DIAPH2: variants seen among roughly 807,000 people sequenced by gnomAD.
DIAPH2 encodes the protein protein diaphanous homolog 2.
A neutral mutation model predicts 92.7 loss-of-function variants in DIAPH2; 35 were observed. The observed-to-expected ratio is 0.38, with a 90% CI of 0.29 to 0.50. DIAPH2 has a LOEUF of 0.50. Ranked by LOEUF, DIAPH2 falls within the 20% of genes least tolerant of loss-of-function variation. The pLI is 0.94. For synonymous variants in DIAPH2, 301 were observed against 280.4 expected (o/e 1.07, Z -0.73); for missense variants, 701 against 819.5 (o/e 0.86, Z 1.77).
rs1158026046 is a variant in DIAPH2, at chrX:97,185,391, ATGTG to A, written c.2719+43599_2719+43602del. On this transcript the variant is annotated intron_variant, in intron 22 of 26. Coordinates refer to ENST00000324765, the MANE Select transcript of DIAPH2 (RefSeq NM_006729.5). Reference sequence around the variant, plus strand: ...TATGTATATATATATGTATATATATATGTGTATATATATATATATGTATATATAT... The same window carrying A: ...TATGTATATATATATGTATATATATATATATATATATATATGTATATATAT... 3.4e-3 allele frequency among the ~76,000 whole-genome samples: 93 copies of A among 27,365 alleles called. 4 individuals are homozygous for A. Among genetic ancestry groups the A allele is most frequent in the Non-Finnish European group, 3.0e-3 (57 of 19,190 alleles). 23.8% of individuals were successfully genotyped at this position (27,365 alleles called of 115,157 possible).
chrX:96,858,754 C>T (rs2065055369), intron 4 of DIAPH2, among the ~76,000 whole-genome samples: 1 of 111,714 alleles, frequency 9.0e-6, no homozygotes, highest in African/African-American at 3.3e-5. Flanking sequence ...TTTGAGTTCC[C>T]TTGTCATAAT....
intron 26 of DIAPH2, among the ~76,000 whole-genome samples, chrX:97,481,132 A>G (rs902671689): frequency 9.0e-6 from 1 of 111,445 alleles, no homozygotes; most frequent in South Asian, 3.7e-4. Flanking sequence ...TATACTCTCT[A>G]TGTAGTTCTG....
intron 20 of DIAPH2, among the ~76,000 whole-genome samples, chrX:97,100,604 T>C (rs922799488): frequency 8.9e-6 from 1 of 112,077 alleles, no homozygotes; most frequent in African/African-American, 3.2e-5. Flanking sequence ...GTTTGCTGTA[T>C]GAATAAATAG....
chrX:97,175,008 T>C (rs1222969205), intron 22 of DIAPH2, among the ~76,000 whole-genome samples: 1 of 111,548 alleles, frequency 9.0e-6, no homozygotes, highest in Non-Finnish European at 1.9e-5. Flanking sequence ...GAGGAATTTG[T>C]TTTGAATACT....
At chrX:96,962,335 A>G (rs1425424304) in intron 16 of DIAPH2, among the ~76,000 whole-genome samples, 2 of 47,432 alleles carry the variant, frequency 4.2e-5, no homozygotes. Flanking sequence ...ACATATATAT[A>G]TACATATATA....
intron 22 of DIAPH2, among the ~76,000 whole-genome samples, chrX:97,211,073 A>C (rs1441607825): frequency 8.9e-6 from 1 of 111,980 alleles, no homozygotes; most frequent in Non-Finnish European, 1.9e-5. Context: ...CACATAAAGT[A>C]GATCAGCATA....
At chrX:97,176,475 T>C (rs902363369) in intron 22 of DIAPH2, among the ~76,000 whole-genome samples, 2 of 110,383 alleles carry the variant, frequency 1.8e-5, no homozygotes, top group Admixed American at 9.8e-5. Flanking sequence ...CAGTTGTCCC[T>C]CAGTATCCAT....
chrX:97,294,083 C>T (rs1204992137), intron 23 of DIAPH2, among the ~76,000 whole-genome samples: 2 of 111,836 alleles, frequency 1.8e-5, no homozygotes, highest in East Asian at 5.6e-4. Context: ...CCATTCACCC[C>T]TATATTTGAA....
At chrX:97,071,109 A>G (rs2066666782) in intron 17 of DIAPH2, among the ~76,000 whole-genome samples, 1 of 111,476 alleles carries the variant, frequency 9.0e-6, no homozygotes, top group Non-Finnish European at 1.9e-5. Context: ...AAATTAGTGA[A>G]TGATTCTAGA....
intron 26 of DIAPH2, among the ~76,000 whole-genome samples, chrX:97,492,734 C>T (rs1397526062): frequency 9.0e-6 from 1 of 111,724 alleles, no homozygotes; most frequent in Non-Finnish European, 1.9e-5. Context: ...GCCTTCTGGT[C>T]TGCAAGGTTT....
At chrX:97,135,578 C>A (rs1431483051) in intron 21 of DIAPH2, among the ~76,000 whole-genome samples, 1 of 110,762 alleles carries the variant, frequency 9.0e-6, no homozygotes, top group Non-Finnish European at 1.9e-5. Context: ...GACTCTCCTC[C>A]CTTTCCACAC....
chrX:97,226,769 G>T lies in DIAPH2; in HGVS notation c.2720-20946G>T, dbSNP rs1041267545. ...AGGACTTTAATCAGCAGAAATGTTT[G>T]TGTATTTGTGTGTGTGTATATATAT... On this transcript the variant is annotated intron_variant, in intron 22 of 26. Coordinates refer to ENST00000324765, the MANE Select transcript of DIAPH2 (RefSeq NM_006729.5). Among the ~76,000 whole-genome samples the T allele has an allele frequency of 3.6e-5, 4 of 112,072 alleles. 1 individual carries two copies. The highest frequency in any genetic ancestry group is 1.3e-4 in the African/African-American group (4 of 30,844).
chrX:96,865,297 C>A (rs1399902754), intron 4 of DIAPH2, among the ~76,000 whole-genome samples: 1 of 111,611 alleles, frequency 9.0e-6, no homozygotes. Context: ...TAATAACTCC[C>A]ACAAGCTTAG....
intron 24 of DIAPH2, among the ~76,000 whole-genome samples, chrX:97,374,571 G>T (rs2069481241): frequency 8.9e-6 from 1 of 111,837 alleles, no homozygotes; most frequent in South Asian, 3.7e-4. Context: ...GGAAATCGCT[G>T]GGAAAGAAAA....
chrX:97,457,573 C>T (rs2070418711), intron 26 of DIAPH2, among the ~76,000 whole-genome samples: 1 of 111,700 alleles, frequency 9.0e-6, no homozygotes, highest in Admixed American at 9.5e-5. Flanking sequence ...CATGAGATTG[C>T]AGTCAAGATA....
chrX:97,088,175 T>A (rs1261065250), intron 19 of DIAPH2, among the ~76,000 whole-genome samples: 1 of 112,276 alleles, frequency 8.9e-6, no homozygotes, highest in Non-Finnish European at 1.9e-5. Context: ...GAGTCTTGAT[T>A]TTGAATAATC....
intron 22 of DIAPH2, among the ~76,000 whole-genome samples, chrX:97,150,000 G>T (rs1475619122): frequency 9.1e-6 from 1 of 109,994 alleles, no homozygotes; most frequent in Non-Finnish European, 1.9e-5. Context: ...AACAGTCACA[G>T]AATTTTTTTT....
intron 22 of DIAPH2, among the ~76,000 whole-genome samples, chrX:97,143,791 T>C (rs767286870): frequency 1.8e-5 from 2 of 111,798 alleles, no homozygotes; most frequent in Admixed American, 1.9e-4. Context: ...ATGTGGTGTA[T>C]ATACACAATG....
chrX:97,180,355 GT>G (rs1173754128), intron 22 of DIAPH2, among the ~76,000 whole-genome samples: 2 of 111,655 alleles, frequency 1.8e-5, no homozygotes, highest in African/African-American at 6.5e-5. Context: ...GGGGTTGTTT[GT>G]TTTTTTCTTG....
Sources: allele counts gnomAD v4.1 joint callset (sites outside exome capture counted in the v4.1 genomes callset), GRCh38; gene constraint gnomAD v4.1.1; transcripts MANE v1.5; gene names NCBI Gene and HGNC (gene_info 2026-07-23, HGNC 2026-07-21).